PLEKHS1: variants seen among roughly 807,000 people sequenced by gnomAD.
PLEKHS1 encodes the protein pleckstrin homology domain-containing family S member 1.
In PLEKHS1, 55 loss-of-function variants were observed where a neutral mutation model predicts 51.0. That is an observed-to-expected ratio of 1.08 (90% CI 0.87 to 1.35). The LOEUF is 1.35. PLEKHS1 is among the 40% of genes most tolerant of loss of function. The probability of loss-of-function intolerance (pLI) is 0.00; values close to 1 mark genes in which losing one functional copy is unlikely to be tolerated. For missense variants in PLEKHS1, 398 were observed against 423.0 expected (o/e 0.94, Z 0.52); for synonymous variants, 153 against 144.8 (o/e 1.06, Z -0.41).
chr10:113,772,265 C>A (rs1158998414), intron 8 of PLEKHS1, among the ~76,000 whole-genome samples, 176 bp downstream of exon 8: 2 of 152,158 alleles, frequency 1.3e-5, no homozygotes. Context: ...TAATACAAGA[C>A]AGAGGGTTCT....
downstream of PLEKHS1, chr10:113,782,446 C>T (rs1452458305): frequency 6.6e-6 from 1 of 152,172 alleles, no homozygotes; most frequent in African/African-American, 2.4e-5. Context: ...CGGTTTGGAT[C>T]TGTGTCCCTA....
At chr10:113,762,975 A>C (rs1228912428) in intron 2 of PLEKHS1, among the ~76,000 whole-genome samples, 1 of 152,112 alleles carries the variant, frequency 6.6e-6, no homozygotes, top group Admixed American at 6.5e-5. Context: ...TAAAACATTA[A>C]AAATGCATCC....
At chr10:113,768,261 A>G (rs1031387980) in intron 5 of PLEKHS1, among the ~76,000 whole-genome samples, 1 of 152,128 alleles carries the variant, frequency 6.6e-6, no homozygotes, top group Non-Finnish European at 1.5e-5. Flanking sequence ...TTCATGGATG[A>G]TTATCTGCTT....
In PLEKHS1 at chr10:113,766,702, T is replaced by TC. The variant is rs1844177747; in HGVS notation, c.210dup (p.Ile71HisfsTer2). The TC allele has an allele frequency of 1.9e-6, 3 of 1,610,394 alleles. No homozygotes were observed. Among genetic ancestry groups the TC allele is most frequent in the Non-Finnish European group, 2.5e-6 (3 of 1,178,646 alleles). On this transcript the variant is annotated frameshift_variant, in exon 4 of 12. Transcript: ENST00000361048. LOFTEE classifies it high-confidence loss of function. Reference sequence around the variant, plus strand: ...TTATAAAGACCATCATCACCGAGGTTCCATTGAAATTGATCAGTGTGTATC... The same window carrying TC: ...TTATAAAGACCATCATCACCGAGGTTCCCATTGAAATTGATCAGTGTGTATC...
intron 4 of PLEKHS1, 140 bp from the exon 5 acceptor site, chr10:113,767,205 T>G: frequency 3.3e-6 from 2 of 600,934 alleles, no homozygotes; most frequent in Non-Finnish European, 2.5e-6. Context: ...TCCAAACTTA[T>G]CTTCTAAAAT....
intron 2 of PLEKHS1, among the ~76,000 whole-genome samples, chr10:113,763,440 T>C (rs1202367727): frequency 3.9e-5 from 6 of 152,208 alleles, no homozygotes; most frequent in Admixed American, 3.3e-4. Flanking sequence ...ACGTTTAACA[T>C]AATTACTGAT....
At chr10:113,778,681 T>C (rs1476805942) in intron 11 of PLEKHS1, among the ~76,000 whole-genome samples, 1 of 145,826 alleles carries the variant, frequency 6.9e-6, no homozygotes, top group Non-Finnish European at 1.5e-5. Flanking sequence ...TCTCGCTCTT[T>C]CGCCCAGGCT....
At chr10:113,758,766 G>A (rs1243053216) in intron 2 of PLEKHS1, among the ~76,000 whole-genome samples, 1 of 152,144 alleles carries the variant, frequency 6.6e-6, no homozygotes, top group African/African-American at 2.4e-5. Context: ...GGAGCAATCA[G>A]AACACACACA....
At chr10:113,775,078 G>C (rs774388980) in intron 10 of PLEKHS1, 43 bp downstream of exon 10, 20 of 1,523,290 alleles carry the variant, frequency 1.3e-5, no homozygotes, top group Non-Finnish European at 1.8e-5. Context: ...CTAAGAGCAA[G>C]GCAGCCTCCC....
At chr10:113,758,741 G>A (rs559391266) in intron 2 of PLEKHS1, among the ~76,000 whole-genome samples, 38 of 152,234 alleles carry the variant, frequency 2.5e-4, no homozygotes, top group African/African-American at 3.9e-4. Flanking sequence ...AGAGATGGGG[G>A]AATAGCCAGT....
At chr10:113,768,937 C>T in intron 6 of PLEKHS1, 47 bp downstream of exon 6, 1 of 1,419,866 alleles carries the variant, frequency 7.0e-7, no homozygotes, top group Non-Finnish European at 9.7e-7. Context: ...GAACACAACC[C>T]TCTTTCAATA....
intron 8 of PLEKHS1, 93 bp downstream of exon 8, chr10:113,772,182 C>T: frequency 7.4e-7 from 1 of 1,354,898 alleles, no homozygotes; most frequent in Non-Finnish European, 1.0e-6. Flanking sequence ...AGGCTATGGT[C>T]AGTGGGAACA....
chr10:113,767,281 T>TTCAAAATAGA, intron 4 of PLEKHS1, 64 bp from the exon 5 acceptor site: 1 of 1,214,070 alleles, frequency 8.2e-7, no homozygotes, highest in Non-Finnish European at 1.1e-6. Flanking sequence ...AATCCCAATA[T>TTCAAAATAGA]AAAATATTAG....
At chr10:113,769,745 A>G in intron 6 of PLEKHS1, 39 bp from the exon 7 acceptor site, 1 of 1,320,470 alleles carries the variant, frequency 7.6e-7, no homozygotes, top group Non-Finnish European at 1.1e-6. Flanking sequence ...CCAGACAGAG[A>G]TCAACTGTGC....
intron 5 of PLEKHS1, among the ~76,000 whole-genome samples, chr10:113,768,435 A>G (rs1371252071): frequency 6.6e-6 from 1 of 152,206 alleles, no homozygotes; most frequent in Non-Finnish European, 1.5e-5. Context: ...TCACTCAAGC[A>G]CATTCTTCAT....
chr10:113,757,077 A>AT (rs1051841923), intron 2 of PLEKHS1, among the ~76,000 whole-genome samples: 24 of 151,858 alleles, frequency 1.6e-4, no homozygotes, highest in Admixed American at 5.9e-4. Flanking sequence ...TGCCTGGCTC[A>AT]TTTTTTTGTG....
At chr10:113,768,274 G>A (rs945211674) in intron 5 of PLEKHS1, among the ~76,000 whole-genome samples, 1 of 152,168 alleles carries the variant, frequency 6.6e-6, no homozygotes, top group Non-Finnish European at 1.5e-5. Context: ...ATCTGCTTGA[G>A]GGAGAGGCAA....
At chr10:113,777,608 A>C (rs1287540826) in intron 11 of PLEKHS1, 1 of 1,545,728 alleles carries the variant, frequency 6.5e-7, no homozygotes, top group Non-Finnish European at 8.8e-7. Context: ...AATTATGACT[A>C]ATGATGGTGC....
At chr10:113,757,973 A>T (rs1334194981) in intron 2 of PLEKHS1, among the ~76,000 whole-genome samples, 1 of 152,208 alleles carries the variant, frequency 6.6e-6, no homozygotes, top group East Asian at 1.9e-4. Context: ...CAATTCAGTC[A>T]CATCTTCAGG....
Sources: allele counts gnomAD v4.1 joint callset (sites outside exome capture counted in the v4.1 genomes callset), GRCh38; gene constraint gnomAD v4.1.1; transcripts MANE v1.5; gene names NCBI Gene and HGNC (gene_info 2026-07-23, HGNC 2026-07-21).